HOOK1: variants seen among roughly 807,000 people sequenced by gnomAD.
The protein encoded by HOOK1 is protein Hook homolog 1.
HOOK1 carries 60 observed loss-of-function variants against 112.8 expected under a neutral mutation model. The observed-to-expected ratio is 0.53, with a 90% confidence interval of 0.43 to 0.66. The LOEUF is 0.66. Among genes scored for constraint, HOOK1 ranks in the 30% least tolerant of loss-of-function variants. The pLI is 0.00. For synonymous variants in HOOK1, 294 were observed against 283.8 expected (o/e 1.04, Z -0.36); for missense variants, 770 against 856.0 (o/e 0.90, Z 1.25).
At position 59,851,207 on chromosome 1, in the gene HOOK1, C is replaced by CA. The variant is rs1489107021; in HGVS notation, c.1242+2032dup. ...CTTGAAATCAGCTTGTCAATTCTTG[C>CA]AAAAAAAAGGCAGCTGAGATTTTTA... is the stretch of plus-strand genomic sequence containing the variant. On this transcript the variant is annotated intron_variant, in intron 12 of 21. Coordinates refer to ENST00000371208, the MANE Select transcript of HOOK1 (RefSeq NM_015888.6). Among the ~76,000 whole-genome samples the CA allele has an allele frequency of 5.3e-5, 8 of 150,516 alleles. No homozygotes were observed. In the East Asian group the frequency reaches 7.8e-4, roughly 15 times the overall value.
intron 2 of HOOK1, among the ~76,000 whole-genome samples, chr1:59,825,605 T>A (rs1172703067): frequency 3.3e-5 from 5 of 152,198 alleles, no homozygotes; most frequent in Admixed American, 3.3e-4. Context: ...TTACCTTCAA[T>A]TTATACAAGA....
At chr1:59,842,399 C>CAT (rs939929623) in intron 8 of HOOK1, among the ~76,000 whole-genome samples, 1 of 152,108 alleles carries the variant, frequency 6.6e-6, no homozygotes, top group Non-Finnish European at 1.5e-5. Flanking sequence ...AAACAGCTTA[C>CAT]ATAATAGGCA....
In HOOK1 at chr1:59,874,286, A is replaced by G. The variant is rs1241923079; in HGVS notation, c.*1321A>G. On this transcript the variant is annotated 3_prime_UTR_variant, in exon 22 of 22. Coordinates refer to ENST00000371208, the MANE Select transcript of HOOK1 (RefSeq NM_015888.6). ...TATTGGATAGTACCATAATCTTTTT[A>G]TAGTAACTTGGAAATACTATTTGAT... The G allele has an allele frequency of 1.3e-5, 2 of 152,192 alleles. No individual in the cohort carries two copies. Among genetic ancestry groups the G allele is most frequent in the South Asian group, 2.1e-4 (1 of 4,830 alleles). 9.4% of individuals were successfully genotyped at this position (152,192 alleles called of 1,614,324 possible).
At chr1:59,848,011 G>A (rs1266072976) in intron 10 of HOOK1, among the ~76,000 whole-genome samples, 1 of 151,610 alleles carries the variant, frequency 6.6e-6, no homozygotes, top group Admixed American at 6.6e-5. Flanking sequence ...TTAATTTTAT[G>A]TACAAATCAT....
intron 1 of HOOK1, among the ~76,000 whole-genome samples, chr1:59,821,460 C>G (rs1173384193): frequency 6.6e-6 from 1 of 152,174 alleles, no homozygotes; most frequent in African/African-American, 2.4e-5. Flanking sequence ...CTTTGTTTTT[C>G]TATCAAATGA....
At chr1:59,841,152 T>A (rs2098400839) in intron 8 of HOOK1, among the ~76,000 whole-genome samples, 1 of 152,172 alleles carries the variant, frequency 6.6e-6, no homozygotes, top group African/African-American at 2.4e-5. Context: ...TGTTTGCATA[T>A]GATGTTACTG....
chr1:59,863,596 G>A (rs1277024258), intron 16 of HOOK1, among the ~76,000 whole-genome samples: 1 of 152,090 alleles, frequency 6.6e-6, no homozygotes, highest in Non-Finnish European at 1.5e-5. Flanking sequence ...TTGAGGGATT[G>A]TTGTACTTAA....
intron 17 of HOOK1, 147 bp from the exon 18 acceptor site, chr1:59,865,016 T>A: frequency 3.3e-6 from 2 of 604,884 alleles, no homozygotes; most frequent in Non-Finnish European, 6.0e-6. Context: ...TGTGCCTGAC[T>A]GTTTACATCC....
At chr1:59,823,256 C>T (rs544368667) in intron 2 of HOOK1, among the ~76,000 whole-genome samples, 2 of 152,138 alleles carry the variant, frequency 1.3e-5, no homozygotes, top group South Asian at 2.1e-4. Flanking sequence ...GGAGGCGGAG[C>T]TCACAGTGAG....
At chr1:59,845,058 A>C (rs1444779025) in intron 9 of HOOK1, among the ~76,000 whole-genome samples, 2 of 151,984 alleles carry the variant, frequency 1.3e-5, no homozygotes, top group Non-Finnish European at 2.9e-5. Flanking sequence ...AGGGTAATTT[A>C]TGAACAAATC....
rs1167413179 is a variant in HOOK1, at chr1:59,855,984, ATTTTTTT to A, written c.1243-2424_1243-2418del. On this transcript the variant is annotated intron_variant, in intron 12 of 21. Transcript: ENST00000371208. ...TAAATTATTATATATATATATATAT[ATTTTTTT>A]TTTTTTTTTTTTTTTTTTTGTAGAG... 7.3e-3 allele frequency among the ~76,000 whole-genome samples: 439 copies of A among 60,208 alleles called. 2 individuals are homozygous for A. Among genetic ancestry groups the A allele is most frequent in the African/African-American group, 0.039 (384 of 9,724 alleles). The allele number at this position is 60,208 out of a possible 152,430, so 39.5% of individuals were successfully genotyped here.
chr1:59,865,913 G>A lies in HOOK1; in HGVS notation c.1786G>A (p.Asp596Asn). ...ACTTGAAGCTGCTCTTCAGAAGAAA[G>A]ATGAAGATATGAAAGCAATGGAGGA... ...NELEAALQKK[D>N]EDMKAMEERY... is the part of the protein sequence containing the mutation. Residue 596 changes from aspartate to asparagine, a missense_variant, in exon 19 of 22, where the codon GAT becomes AAT. By Grantham distance (23) the Asp-to-Asn change is conservative. Transcript: ENST00000371208. The A allele has an allele frequency of 6.3e-7, 1 of 1,595,966 alleles. No individual in the cohort carries two copies. The highest frequency in any genetic ancestry group is 8.5e-7 in the Non-Finnish European group (1 of 1,171,284).
Position 59,843,563 on chromosome 1 carries a change from A to G in HOOK1, c.753A>G (p.Gln251=), listed in dbSNP as rs777330903. 14 of 1,607,722 alleles carry G rather than the reference A, an allele frequency of 8.7e-6. No individual in the cohort carries two copies. Among genetic ancestry groups the G allele is most frequent in the African/African-American group, 1.3e-5 (1 of 74,478 alleles). The change falls in exon 9 of 22, where the codon CAA becomes CAG. Residue 251 remains glutamine, a synonymous_variant. Transcript: ENST00000371208. ...TTGCAAAAAAGTATTTTCATGCACAATTACAACTAGAACAATTACAGGAAG... is the reference window on the plus strand; with the variant it reads ...TTGCAAAAAAGTATTTTCATGCACAGTTACAACTAGAACAATTACAGGAAG... ...TVVAKKYFHA[Q]LQLEQLQEEN...
chr1:59,871,238 A>G, intron 21 of HOOK1, 128 bp downstream of exon 21: 1 of 598,142 alleles, frequency 1.7e-6, no homozygotes, highest in Non-Finnish European at 2.9e-6. Context: ...GTTTATGTAT[A>G]TGACTGAAAC....
intron 20 of HOOK1, among the ~76,000 whole-genome samples, chr1:59,869,944 C>T (rs572797975): frequency 1.5e-4 from 23 of 152,234 alleles, no homozygotes; most frequent in African/African-American, 4.3e-4. Flanking sequence ...TACATGTGGA[C>T]GTGTCTTGAG....
intron 11 of HOOK1, 75 bp downstream of exon 11, chr1:59,848,591 A>G: frequency 2.0e-6 from 2 of 1,014,142 alleles, no homozygotes; most frequent in East Asian, 2.4e-5. Flanking sequence ...TGTCTTAAGA[A>G]TGGTAAAGAA....
At chr1:59,822,403 G>A (rs962429971) in intron 2 of HOOK1, among the ~76,000 whole-genome samples, 1 of 152,064 alleles carries the variant, frequency 6.6e-6, no homozygotes, top group Admixed American at 6.5e-5. Flanking sequence ...ATGTATTTCT[G>A]AATTAATAGT....
intron 14 of HOOK1, among the ~76,000 whole-genome samples, chr1:59,859,721 G>C (rs532233360): frequency 1.3e-5 from 2 of 151,764 alleles, no homozygotes; most frequent in South Asian, 4.2e-4. Flanking sequence ...AGAAACAAAA[G>C]ATCTAGAAAC....
intron 6 of HOOK1, among the ~76,000 whole-genome samples, chr1:59,835,839 G>A (rs889801398): frequency 6.6e-6 from 1 of 151,974 alleles, no homozygotes; most frequent in Non-Finnish European, 1.5e-5. Context: ...TAATGCTGCC[G>A]CTGATCTATC....
Sources: gnomAD v4.1 joint callset for allele counts (sites outside exome capture counted in the v4.1 genomes callset) on GRCh38, gnomAD v4.1.1 for gene constraint, MANE v1.5 for transcripts, NCBI Gene and HGNC (gene_info 2026-07-23, HGNC 2026-07-21) for gene names.